ACAD8: variants seen among roughly 807,000 people sequenced by gnomAD.
ACAD8 encodes acyl-CoA dehydrogenase family member 8, also known as isobutyryl-CoA dehydrogenase, mitochondrial.
ACAD8 carries 47 observed loss-of-function variants against 53.1 expected under a neutral mutation model. The observed-to-expected ratio is 0.89, with a 90% CI of 0.70 to 1.13. ACAD8 has a LOEUF of 1.13. Ranked by LOEUF, ACAD8 falls within the 50% of genes most tolerant of loss-of-function variation. The pLI is 0.00. For synonymous variants in ACAD8, 198 were observed against 201.3 expected (o/e 0.98, Z 0.14); for missense variants, 494 against 535.0 (o/e 0.92, Z 0.76).
intron 1 of ACAD8, 98 bp downstream of exon 1, chr11:134,253,807 C>T (rs367554385): frequency 1.6e-6 from 2 of 1,263,378 alleles, no homozygotes; most frequent in East Asian, 2.5e-5. Flanking sequence ...CCAGTCACCC[C>T]GGCGTCAGCT....
intron 3 of ACAD8, chr11:134,257,702 G>A (rs1191386869): frequency 3.0e-5 from 8 of 265,006 alleles, no homozygotes; most frequent in Admixed American, 5.0e-5. Context: ...ATAAGTACAC[G>A]CTAGGTCTGT....
At chr11:134,264,556 C>T (rs1484957903) in intron 10 of ACAD8, among the ~76,000 whole-genome samples, 1 of 152,152 alleles carries the variant, frequency 6.6e-6, no homozygotes, top group Non-Finnish European at 1.5e-5. Context: ...GTTTCTACAT[C>T]CAGAATGTTA....
chr11:134,262,801 C>T (rs570634336), intron 10 of ACAD8, 179 bp downstream of exon 10: 1 of 1,488,034 alleles, frequency 6.7e-7, no homozygotes, highest in East Asian at 2.7e-5. Context: ...GAGTCCAGAG[C>T]CGCAGCTTCG....
intron 3 of ACAD8, among the ~76,000 whole-genome samples, chr11:134,257,534 G>T (rs1318302986): frequency 6.6e-6 from 1 of 152,040 alleles, no homozygotes; most frequent in Non-Finnish European, 1.5e-5. Context: ...TTAGCCGGGT[G>T]TGGTGGCTGG....
chr11:134,263,444 G>A, intron 10 of ACAD8: 3 of 983,708 alleles, frequency 3.0e-6, no homozygotes, highest in Non-Finnish European at 2.4e-6. Context: ...GTGTGGGCCT[G>A]GGAATTTGTA....
intron 1 of ACAD8, among the ~76,000 whole-genome samples, chr11:134,254,609 A>G (rs1243520730): frequency 6.6e-6 from 1 of 152,216 alleles, no homozygotes; most frequent in Non-Finnish European, 1.5e-5. Context: ...TGAATGTCCT[A>G]AAACTCATTC....
At chr11:134,263,420 C>T (rs771527702) in intron 10 of ACAD8, 8 of 984,564 alleles carry the variant, frequency 8.1e-6, no homozygotes, top group Non-Finnish European at 3.6e-6. Flanking sequence ...AGAGCTTCTG[C>T]TCCAGAGGGT....
rs1165246811 is a variant in ACAD8, at chr11:134,264,994, G to A, written c.*34G>A. The A allele has an allele frequency of 6.2e-6, 10 of 1,607,764 alleles. No homozygotes were observed. Among genetic ancestry groups the A allele is most frequent in the East Asian group, 2.2e-5 (1 of 44,862 alleles). On this transcript the variant is annotated 3_prime_UTR_variant, in exon 11 of 11. Transcript: ENST00000281182. Reference sequence around the variant, plus strand: ...CTTGTTCTGGCCTGGTGTTCAGTGCGACTGCAGTCAGTGTTGAGTGGTGCC... The same window carrying A: ...CTTGTTCTGGCCTGGTGTTCAGTGCAACTGCAGTCAGTGTTGAGTGGTGCC...
chr11:134,258,654 G>C, intron 4 of ACAD8, 30 bp downstream of exon 4: 1 of 1,510,534 alleles, frequency 6.6e-7, no homozygotes, highest in African/African-American at 1.4e-5. Context: ...CTGAGATATA[G>C]CAGGGAGAGA....
intron 1 of ACAD8, among the ~76,000 whole-genome samples, chr11:134,254,581 T>C (rs946323209): frequency 2.0e-5 from 3 of 152,234 alleles, no homozygotes; most frequent in African/African-American, 7.2e-5. Flanking sequence ...CAGTAAGGCA[T>C]AGAATACTGT....
At chr11:134,256,676 T>C in intron 2 of ACAD8, 28 bp downstream of exon 2, 2 of 1,582,484 alleles carry the variant, frequency 1.3e-6, no homozygotes, top group Non-Finnish European at 1.7e-6. Context: ...GCTTAGACGT[T>C]CTAACAACAG....
At chr11:134,256,162 C>A (rs1386496801) in intron 1 of ACAD8, among the ~76,000 whole-genome samples, 1 of 152,262 alleles carries the variant, frequency 6.6e-6, no homozygotes, top group African/African-American at 2.4e-5. Flanking sequence ...CCGCCTCGGC[C>A]TCCTGAAGTG....
chr11:134,254,852 T>C (rs946012355), intron 1 of ACAD8, among the ~76,000 whole-genome samples: 6 of 152,222 alleles, frequency 3.9e-5, no homozygotes, highest in Non-Finnish European at 7.3e-5. Flanking sequence ...CTAGTAACTA[T>C]GTATTGGCAT....
intron 9 of ACAD8, chr11:134,262,224 A>G (rs1939923453): frequency 3.1e-6 from 2 of 648,384 alleles, no homozygotes; most frequent in South Asian, 3.0e-5. Context: ...AGGGGGAACC[A>G]TAGCTTTTTA....
At position 134,261,882 on chromosome 11, in the gene ACAD8, T is replaced by C. The variant is rs995149464; in HGVS notation, c.1084T>C (p.Cys362Arg). ...SMAKLFATDE[C>R]FAICNQALQM... Reference sequence around the variant, plus strand: ...GGCCAAGCTCTTTGCTACAGATGAATGCTTTGCCGTAAGTGATTCCTCTGG... The same window carrying C: ...GGCCAAGCTCTTTGCTACAGATGAACGCTTTGCCGTAAGTGATTCCTCTGG... Residue 362 changes from cysteine (C) to arginine (R), a missense_variant, in exon 9 of 11, where the codon TGC becomes CGC. Physicochemically the swap from Cys to Arg is radical, Grantham distance 180. Coordinates refer to ENST00000281182, the MANE Select transcript of ACAD8 (RefSeq NM_014384.3). The surrounding 1 kb of genome is among the most constrained non-coding windows in gnomAD (Gnocchi z 4.2). 6.2e-7 allele frequency: 1 copy of C among 1,614,042 alleles called. No individual in the cohort carries two copies. The highest frequency in any genetic ancestry group is 2.2e-5 in the East Asian group (1 of 44,886).
rs763005672 is a variant in ACAD8, at chr11:134,264,894, C to G, written c.1196-14C>G. The G allele has an allele frequency of 1.1e-5, 17 of 1,613,570 alleles. No homozygotes were observed. The South Asian group carries it at 1.9e-4, about 18-fold the overall frequency. ...TGCTGCTGTGAAATTCTTCCTCCTT[C>G]CTCCCTCTTACAGGTAGCAATGAAG... On this transcript the variant is annotated splice_polypyrimidine_tract_variant and intron_variant, in intron 10 of 10. Coordinates refer to ENST00000281182, the MANE Select transcript of ACAD8 (RefSeq NM_014384.3).
At chr11:134,263,504 A>G in intron 10 of ACAD8, 2 of 985,554 alleles carry the variant, frequency 2.0e-6, no homozygotes. Context: ...TGAGAACCAC[A>G]CTTTGAGACC....
At position 134,264,896 on chromosome 11, in the gene ACAD8, T is replaced by A; in HGVS notation, c.1196-12T>A. On this transcript the variant is annotated splice_polypyrimidine_tract_variant and intron_variant, in intron 10 of 10. Coordinates refer to ENST00000281182, the MANE Select transcript of ACAD8 (RefSeq NM_014384.3). ...CTGCTGTGAAATTCTTCCTCCTTCCTCCCTCTTACAGGTAGCAATGAAGTG... is the reference window on the plus strand; with the variant it reads ...CTGCTGTGAAATTCTTCCTCCTTCCACCCTCTTACAGGTAGCAATGAAGTG... 3 of 1,613,758 alleles carry A rather than the reference T, an allele frequency of 1.9e-6. No homozygotes were observed. The highest frequency in any genetic ancestry group is 2.5e-6 in the Non-Finnish European group (3 of 1,179,662).
At chr11:134,264,844 A>C in intron 10 of ACAD8, 64 bp from the exon 11 acceptor site, 9 of 1,468,780 alleles carry the variant, frequency 6.1e-6, no homozygotes, top group Non-Finnish European at 8.6e-6. Context: ...CAGCCTGGTC[A>C]GAGCTTTACT....
Sources: allele counts gnomAD v4.1 joint callset (sites outside exome capture counted in the v4.1 genomes callset), GRCh38; gene constraint gnomAD v4.1.1; non-coding constraint Gnocchi (gnomAD v3.1); transcripts MANE v1.5; gene names NCBI Gene and HGNC (gene_info 2026-07-23, HGNC 2026-07-21).